The following PGM5 variants were observed in gnomAD, a reference collection of about 807,000 sequenced individuals.
PGM5 encodes phosphoglucomutase-like protein 5.
A neutral mutation model predicts 59.2 loss-of-function variants in PGM5; 23 were observed. The observed-to-expected ratio is 0.39, with a 90% confidence interval of 0.28 to 0.55. PGM5 has a LOEUF of 0.55. PGM5 is among the 20% of genes least tolerant of loss of function. The pLI is 0.66. For missense variants in PGM5, 574 were observed against 748.3 expected, an observed-to-expected ratio of 0.77 and a Z score of 2.72; for synonymous variants, 214 against 286.0, an observed-to-expected ratio of 0.75 and a Z score of 2.54.
chr9:68,447,278 C>T lies in PGM5; in HGVS notation c.1044-17815C>T, dbSNP rs192164780. 7.2e-5 allele frequency among the ~76,000 whole-genome samples: 11 copies of T among 152,326 alleles called. No homozygotes were observed. In the East Asian group the frequency reaches 1.4e-3, roughly 19 times the overall value. On this transcript the variant is annotated intron_variant, in intron 6 of 10. Coordinates refer to ENST00000396396, the MANE Select transcript of PGM5 (RefSeq NM_021965.4). Reference sequence around the variant, plus strand: ...CTTTTAGTGAAAATTTCACAAGTTGCACATCCTGACATTACTTGTACTTGC... The same window carrying T: ...CTTTTAGTGAAAATTTCACAAGTTGTACATCCTGACATTACTTGTACTTGC...
chr9:68,426,635 T>C (rs1242174251), intron 6 of PGM5, among the ~76,000 whole-genome samples: 11 of 151,202 alleles, frequency 7.3e-5, no homozygotes, highest in Non-Finnish European at 1.5e-5. Context: ...TTTTGGCCAA[T>C]TTCTCTGGGA....
At chr9:68,503,164 A>G (rs1356207393) in intron 10 of PGM5, among the ~76,000 whole-genome samples, 1 of 152,226 alleles carries the variant, frequency 6.6e-6, no homozygotes, top group Non-Finnish European at 1.5e-5. Context: ...TTTGTTTTAC[A>G]TAGGAAGAAC....
chr9:68,457,645 A>C (rs1823799844), intron 6 of PGM5, among the ~76,000 whole-genome samples: 1 of 152,264 alleles, frequency 6.6e-6, no homozygotes, highest in Non-Finnish European at 1.5e-5. Flanking sequence ...TTGGATATAG[A>C]AAAGAGAACA....
At chr9:68,428,784 T>C (rs1006370936) in intron 6 of PGM5, 16 of 152,246 alleles carry the variant, frequency 1.1e-4, no homozygotes, top group Admixed American at 2.0e-4. Flanking sequence ...GTCTTTCACA[T>C]TCTGCAATTT....
At chr9:68,527,098 A>T (rs1388955505) in intron 10 of PGM5, among the ~76,000 whole-genome samples, 1 of 152,228 alleles carries the variant, frequency 6.6e-6, no homozygotes, top group Non-Finnish European at 1.5e-5. Context: ...GTTAGTTTGT[A>T]GAGTTAAGTG....
intron 6 of PGM5, among the ~76,000 whole-genome samples, chr9:68,426,007 G>C (rs117174520): frequency 6.6e-6 from 1 of 152,114 alleles, no homozygotes; most frequent in South Asian, 2.1e-4. Context: ...TATTTGGTGT[G>C]TAAAACCTCT....
chr9:68,392,161 C>G (rs1459929673), intron 5 of PGM5, among the ~76,000 whole-genome samples, 158 bp from the exon 6 acceptor site: 10 of 152,152 alleles, frequency 6.6e-5, no homozygotes. Flanking sequence ...CCTTGGTACT[C>G]AGAGATTTCG....
At chr9:68,357,692 C>T (rs1554675885) in intron 1 of PGM5, 1 of 439,062 alleles carries the variant, frequency 2.3e-6, no homozygotes, top group Admixed American at 4.1e-5. Flanking sequence ...CATCCCGCAC[C>T]TGCTCATTTT....
chr9:68,414,348 G>C (rs1187967360), intron 6 of PGM5, among the ~76,000 whole-genome samples: 1 of 152,216 alleles, frequency 6.6e-6, no homozygotes, highest in Non-Finnish European at 1.5e-5. Flanking sequence ...TACCAGGTGA[G>C]ATAAATCCAG....
chr9:68,384,032 C>T (rs1822151178), intron 2 of PGM5, among the ~76,000 whole-genome samples: 1 of 152,046 alleles, frequency 6.6e-6, no homozygotes, highest in African/African-American at 2.4e-5. Context: ...GAATCCCTCA[C>T]TTCTGTCAAA....
chr9:68,529,973 G>T lies in PGM5; in HGVS notation c.*317G>T. 1 of 224,728 alleles carries T rather than the reference G, an allele frequency of 4.4e-6. No homozygotes were observed. Among genetic ancestry groups the T allele is most frequent in the Non-Finnish European group, 8.7e-6 (1 of 114,984 alleles). The allele number at this position is 224,728 out of a possible 1,614,324, so 13.9% of individuals were successfully genotyped here. ...GGCAGCTGTTAATCACAACATTTGT[G>T]CATCACTTGTGCCAAGTGAGAAAAT... is the stretch of plus-strand genomic sequence containing the variant. On this transcript the variant is annotated 3_prime_UTR_variant, in exon 11 of 11. Transcript: ENST00000396396.
intron 1 of PGM5, among the ~76,000 whole-genome samples, chr9:68,367,478 C>T (rs1554676792): frequency 1.3e-5 from 2 of 152,214 alleles, no homozygotes; most frequent in East Asian, 1.9e-4. Flanking sequence ...AAATGCACAG[C>T]TGTGGGAGCT....
At chr9:68,484,210 C>A (rs1813873978) in intron 9 of PGM5, among the ~76,000 whole-genome samples, 162 bp downstream of exon 9, 1 of 151,952 alleles carries the variant, frequency 6.6e-6, no homozygotes, top group South Asian at 2.1e-4. Flanking sequence ...GGACACCTAA[C>A]AAGTTAGTGC....
intron 1 of PGM5, among the ~76,000 whole-genome samples, chr9:68,361,104 A>T (rs4120148): frequency 2.0e-5 from 3 of 151,884 alleles, no homozygotes; most frequent in Non-Finnish European, 4.4e-5. Flanking sequence ...TTTTGTAGAG[A>T]TGGAGGTCTT....
Position 68,529,615 on chromosome 9 carries a change from C to T in PGM5, c.1663C>T (p.His555Tyr). ...IAIALKISQI[H>Y]ERTGRRGPTV... ...CATCGCACTGAAAATATCCCAGATT[C>T]ATGAGAGAACTGGCCGGAGGGGACC... Residue 555 changes from histidine (H) to tyrosine (Y), a missense_variant, in exon 11 of 11, where the codon CAT becomes TAT. This residue lies in a region of PGM5 where 300 missense variants were observed against 280.0 expected (regional missense o/e 1.07). Coordinates refer to ENST00000396396, the MANE Select transcript of PGM5 (RefSeq NM_021965.4). 1.2e-6 allele frequency: 2 copies of T among 1,600,866 alleles called. No individual in the cohort carries two copies. The highest frequency in any genetic ancestry group is 1.7e-6 in the Non-Finnish European group (2 of 1,171,472).
At chr9:68,504,445 G>C (rs7858149) in intron 10 of PGM5, among the ~76,000 whole-genome samples, 27,565 of 152,000 alleles carry the variant, frequency 0.18, 2,507 homozygotes, top group East Asian at 0.22. Flanking sequence ...TTCTCCCTCT[G>C]ACCTCATTTC....
At chr9:68,519,603 T>C (rs540717327) in intron 10 of PGM5, among the ~76,000 whole-genome samples, 1 of 151,890 alleles carries the variant, frequency 6.6e-6, no homozygotes, top group East Asian at 1.9e-4. Flanking sequence ...TATACATATG[T>C]AACTAACCTG....
chr9:68,509,299 G>T (rs1554689211), intron 10 of PGM5, among the ~76,000 whole-genome samples: 1 of 152,226 alleles, frequency 6.6e-6, no homozygotes, highest in African/African-American at 2.4e-5. Flanking sequence ...TAGGCCTTGG[G>T]CAGGAGGGAA....
At chr9:68,451,092 C>T (rs1554684299) in intron 6 of PGM5, among the ~76,000 whole-genome samples, 1 of 152,154 alleles carries the variant, frequency 6.6e-6, no homozygotes. Flanking sequence ...AACATCCATA[C>T]ACAAACACAT....
Sources: gnomAD v4.1 joint callset for allele counts (sites outside exome capture counted in the v4.1 genomes callset) on GRCh38, gnomAD v4.1.1 for gene constraint, gnomAD v4.1.1 regional missense constraint, MANE v1.5 for transcripts, NCBI Gene and HGNC (gene_info 2026-07-23, HGNC 2026-07-21) for gene names.